Variants in RAB33B observed in about 807,000 individuals in gnomAD.
RAB33B encodes the protein RAB33B, member RAS oncogene family.
A neutral mutation model predicts 15.0 loss-of-function variants in RAB33B; 6 were observed. The observed-to-expected ratio is 0.40, with a 90% CI of 0.22 to 0.79. The LOEUF (loss-of-function observed/expected upper bound fraction) is 0.79, where lower values mean the gene tolerates loss of function less well. RAB33B is among the 30% of genes least tolerant of loss of function. RAB33B has a pLI of 0.37. For missense variants in RAB33B, 257 were observed against 296.4 expected (o/e 0.87, Z 0.98); for synonymous variants, 117 against 108.3 (o/e 1.08, Z -0.50).
chr4:139,454,376 C>T lies in RAB33B; in HGVS notation c.181C>T (p.Arg61Cys). Residue 61 changes from arginine to cysteine, a missense_variant, in exon 1 of 2, where the codon CGC becomes TGC. Arg to Cys is a radical substitution (Grantham distance 180, BLOSUM62 -3). Transcript: ENST00000305626. ...YRFCAGRFPDRTEATIGVDFR... is the reference protein window; with the variant it reads ...YRFCAGRFPDCTEATIGVDFR... Reference sequence around the variant, plus strand: ...CTTCTGCGCTGGCCGCTTCCCCGACCGCACCGAGGCCACGATAGGGGTGGA... The same window carrying T: ...CTTCTGCGCTGGCCGCTTCCCCGACTGCACCGAGGCCACGATAGGGGTGGA... 1 of 1,613,824 alleles carries T rather than the reference C, an allele frequency of 6.2e-7. No individual in the cohort carries two copies. The highest frequency in any genetic ancestry group is 1.1e-5 in the South Asian group (1 of 91,070).
upstream of RAB33B, chr4:139,453,600 G>A (rs1291069631): frequency 1.3e-5 from 2 of 152,370 alleles, no homozygotes; most frequent in South Asian, 2.1e-4. Flanking sequence ...GCAAGCTGAA[G>A]AAACCTGTCT....
the RAB33B span, among the ~76,000 whole-genome samples, chr4:139,441,361 A>C: frequency 1.3e-5 from 2 of 152,240 alleles, no homozygotes; most frequent in Admixed American, 6.5e-5. Context: ...AGGGAGGAAC[A>C]GAGAACTGGA....
intron 1 of RAB33B, among the ~76,000 whole-genome samples, chr4:139,471,526 T>G (rs1395267762): frequency 6.6e-5 from 10 of 151,776 alleles, no homozygotes; most frequent in Admixed American, 3.9e-4. Context: ...TATGAAGTTT[T>G]TTTTTTTTTT....
chr4:139,462,376 A>C (rs1397878129), intron 1 of RAB33B, among the ~76,000 whole-genome samples: 1 of 152,150 alleles, frequency 6.6e-6, no homozygotes, highest in Non-Finnish European at 1.5e-5. Flanking sequence ...TGGTAGTTTT[A>C]TTATCCAAAA....
the RAB33B span, among the ~76,000 whole-genome samples, chr4:139,443,144 C>G: frequency 2.0e-5 from 3 of 152,194 alleles, no homozygotes; most frequent in East Asian, 5.8e-4. Flanking sequence ...AGGCACCCAC[C>G]ACCATGCCCG....
intron 1 of RAB33B, among the ~76,000 whole-genome samples, chr4:139,471,525 T>G (rs1024323057): frequency 2.6e-5 from 4 of 151,292 alleles, no homozygotes; most frequent in African/African-American, 9.7e-5. Flanking sequence ...TTATGAAGTT[T>G]TTTTTTTTTT....
intron 1 of RAB33B, among the ~76,000 whole-genome samples, chr4:139,467,962 T>A (rs1229210705): frequency 9.0e-5 from 2 of 22,256 alleles, no homozygotes; most frequent in East Asian, 4.1e-3. Flanking sequence ...ATTCTTTCTG[T>A]TTTTTTTTTT....
chr4:139,441,676 A>G, the RAB33B span, among the ~76,000 whole-genome samples: 1 of 152,226 alleles, frequency 6.6e-6, no homozygotes, highest in Admixed American at 6.5e-5. Context: ...TTAACTTACA[A>G]CGGGTTTATC....
Position 139,472,855 on chromosome 4 carries a change from A to T in RAB33B, c.419A>T (p.Asp140Val). Reference sequence around the variant, plus strand: ...TGCAAACAACATTTGCTAGCCAATGATATACCACGGATTCTTGTTGGAAAT... The same window carrying T: ...TGCAAACAACATTTGCTAGCCAATGTTATACCACGGATTCTTGTTGGAAAT... ...EECKQHLLAN[D>V]IPRILVGNKC... The change falls in exon 2 of 2, where the codon GAT (aspartate) becomes GTT (valine). Residue 140 changes from aspartate (D) to valine (V), a missense_variant. Physicochemically the swap from Asp to Val is radical, Grantham distance 152. Coordinates refer to ENST00000305626, the MANE Select transcript of RAB33B (RefSeq NM_031296.3). 6.2e-7 allele frequency: 1 copy of T among 1,614,202 alleles called. No individual in the cohort carries two copies. The highest frequency in any genetic ancestry group is 8.5e-7 in the Non-Finnish European group (1 of 1,180,028).
In RAB33B at chr4:139,473,173, T is replaced by G; in HGVS notation, c.*47T>G. Reference sequence around the variant, plus strand: ...TCTAATTTTGACTAAAGAAATACTTTTGAAGTATGACAGTATTAAGTCATA... The same window carrying G: ...TCTAATTTTGACTAAAGAAATACTTGTGAAGTATGACAGTATTAAGTCATA... On this transcript the variant is annotated 3_prime_UTR_variant, in exon 2 of 2. Coordinates refer to ENST00000305626, the MANE Select transcript of RAB33B (RefSeq NM_031296.3). 6.9e-7 allele frequency: 1 copy of G among 1,459,360 alleles called. No homozygotes were observed. The highest frequency in any genetic ancestry group is 2.4e-5 in the East Asian group (1 of 41,820). 90.4% of individuals were successfully genotyped at this position (1,459,360 alleles called of 1,614,324 possible).
chr4:139,438,404 A>G, the RAB33B span, among the ~76,000 whole-genome samples: 43 of 152,310 alleles, frequency 2.8e-4, no homozygotes, highest in African/African-American at 9.9e-4. Context: ...ACAGATTAAG[A>G]AAACAACCAG....
At chr4:139,471,583 T>A (rs1284423178) in intron 1 of RAB33B, among the ~76,000 whole-genome samples, 1 of 151,470 alleles carries the variant, frequency 6.6e-6, no homozygotes, top group African/African-American at 2.4e-5. Context: ...GCGGGGCAGT[T>A]GGGGACATGA....
At chr4:139,461,282 C>A (rs1292051814) in intron 1 of RAB33B, among the ~76,000 whole-genome samples, 1 of 151,906 alleles carries the variant, frequency 6.6e-6, no homozygotes, top group Non-Finnish European at 1.5e-5. Flanking sequence ...AGGGGAGGGC[C>A]GATTCCCAAG....
chr4:139,453,587 G>C (rs1350636980), upstream of RAB33B: 1 of 152,378 alleles, frequency 6.6e-6, no homozygotes, highest in Non-Finnish European at 1.5e-5. Context: ...CACATCCTCA[G>C]CGGCAAGCTG....
Position 139,461,899 on chromosome 4 carries a change from A to C in RAB33B, c.249+7455A>C, listed in dbSNP as rs555449882. Among the ~76,000 whole-genome samples the C allele has an allele frequency of 2.6e-5, 4 of 151,518 alleles. No individual in the cohort carries two copies. The South Asian group carries it at 8.3e-4, about 32-fold the overall frequency. On this transcript the variant is annotated intron_variant, in intron 1 of 1. Coordinates refer to ENST00000305626, the MANE Select transcript of RAB33B (RefSeq NM_031296.3). ...AGCCTGGGTGACAGAGCAAGCCTCC[A>C]TCTCAAAAAAAAAAAAATTTCATAT...
At chr4:139,444,964 G>T in the RAB33B span, among the ~76,000 whole-genome samples, 5 of 152,154 alleles carry the variant, frequency 3.3e-5, no homozygotes, top group African/African-American at 1.2e-4. Context: ...CACCATCAAG[G>T]ACTTGAAAGA....
At position 139,472,814 on chromosome 4, in the gene RAB33B, A is replaced by G. The variant is rs1750415543; in HGVS notation, c.378A>G (p.Pro126=). 6.2e-7 allele frequency: 1 copy of G among 1,614,086 alleles called. No individual in the cohort carries two copies. Among genetic ancestry groups the G allele is most frequent in the Non-Finnish European group, 8.5e-7 (1 of 1,180,034 alleles). ...MTNMASFHSL[P]SWIEECKQHL... The stretch of plus-strand genomic sequence containing the variant: ...ACATGGCTAGTTTTCATAGCCTACC[A>G]TCTTGGATAGAAGAATGCAAACAAC... The change falls in exon 2 of 2, where the codon CCA becomes CCG. Residue 126 remains proline, a synonymous_variant. Coordinates refer to ENST00000305626, the MANE Select transcript of RAB33B (RefSeq NM_031296.3).
At chr4:139,446,142 T>A in the RAB33B span, among the ~76,000 whole-genome samples, 8 of 152,122 alleles carry the variant, frequency 5.3e-5, no homozygotes, top group Non-Finnish European at 1.0e-4. Context: ...ATAAGTTACA[T>A]GAGGAAGTGG....
the RAB33B span, among the ~76,000 whole-genome samples, chr4:139,445,981 C>T: frequency 6.6e-6 from 1 of 152,312 alleles, no homozygotes; most frequent in African/African-American, 2.4e-5. Context: ...GACTATGTGT[C>T]ATCAAGTCAC....
Sources: allele counts gnomAD v4.1 joint callset (sites outside exome capture counted in the v4.1 genomes callset), GRCh38; gene constraint gnomAD v4.1.1; transcripts MANE v1.5; gene names NCBI Gene and HGNC (gene_info 2026-07-23, HGNC 2026-07-21).